The following SPATA13 variants were observed in gnomAD, a reference collection of about 807,000 sequenced individuals.
SPATA13 encodes spermatogenesis-associated protein 13.
In SPATA13, 50 loss-of-function variants were observed where a neutral mutation model predicts 104.0. The observed-to-expected ratio is 0.48, with a 90% CI of 0.38 to 0.61. SPATA13 has a LOEUF of 0.61. Among genes scored for constraint, SPATA13 ranks in the 20% least tolerant of loss-of-function variants. The pLI is 0.00. For missense variants in SPATA13, 1,524 were observed against 1,690.6 expected (o/e 0.90, Z 1.73); for synonymous variants, 606 against 667.5 (o/e 0.91, Z 1.42).
intron 11 of SPATA13, 49 bp downstream of exon 11, chr13:24,297,784 T>C: frequency 6.4e-7 from 1 of 1,562,006 alleles, no homozygotes; most frequent in African/African-American, 1.4e-5. Flanking sequence ...CTTGCTGTAA[T>C]AGCTTCATTC....
chr13:23,986,083 T>A (rs1875136746), intron 2 of SPATA13, among the ~76,000 whole-genome samples: 1 of 152,202 alleles, frequency 6.6e-6, no homozygotes, highest in Admixed American at 6.5e-5. Context: ...TCCTGGCATT[T>A]CAAGTTGGAA....
chr13:24,019,121 C>T (rs1876850808), intron 3 of SPATA13, among the ~76,000 whole-genome samples: 1 of 144,908 alleles, frequency 6.9e-6, no homozygotes. Context: ...CGGAGTCTCG[C>T]TCTGTCGCCC....
intron 3 of SPATA13, among the ~76,000 whole-genome samples, chr13:24,036,210 T>C (rs912697021): frequency 3.5e-4 from 53 of 152,198 alleles, no homozygotes; most frequent in African/African-American, 1.3e-3. Flanking sequence ...GTATCTATAT[T>C]TTCCAAAGCC....
chr13:23,995,130 T>A (rs1875618324), intron 2 of SPATA13, among the ~76,000 whole-genome samples: 1 of 152,208 alleles, frequency 6.6e-6, no homozygotes, highest in African/African-American at 2.4e-5. Context: ...GTGCCAAGGT[T>A]CGGGAACCCT....
At chr13:24,180,290 A>G (rs1173181044) in intron 1 of SPATA13, among the ~76,000 whole-genome samples, 2 of 152,190 alleles carry the variant, frequency 1.3e-5, no homozygotes, top group African/African-American at 4.8e-5. Context: ...CTTGTTGAAA[A>G]TGAATTGAGC....
chr13:24,043,673 AT>A (rs34553109), intron 3 of SPATA13, among the ~76,000 whole-genome samples: 72,942 of 151,788 alleles, frequency 0.48, 19,325 homozygotes, highest in East Asian at 0.64. Flanking sequence ...CTTTGAGGGA[AT>A]TTTTTTTTGT....
At chr13:24,024,174 A>G (rs1368736182) in intron 3 of SPATA13, among the ~76,000 whole-genome samples, 1 of 152,238 alleles carries the variant, frequency 6.6e-6, no homozygotes, top group African/African-American at 2.4e-5. Context: ...AAGGATGGCT[A>G]AGGGAGGTGA....
At chr13:24,077,910 C>T (rs541692335) in intron 3 of SPATA13, among the ~76,000 whole-genome samples, 74 of 152,310 alleles carry the variant, frequency 4.9e-4, no homozygotes, top group Non-Finnish European at 8.4e-4. Flanking sequence ...GTTGGTCCCA[C>T]ATCCTTCTCT....
intron 3 of SPATA13, chr13:24,017,742 C>A: frequency 1.0e-6 from 1 of 976,542 alleles, no homozygotes; most frequent in South Asian, 4.7e-5. Context: ...CTCCTTCCTC[C>A]TTCTTTCTCC....
rs146352027 is a variant in SPATA13 at position 24,275,876 on chromosome 13, G to C, written c.2165-8259G>C. ...TGGAACCCTGGAGGCAAAGGCTGCAGTGAGCTGAGATCGCGCCACAGCACT... is the reference window on the plus strand; with the variant it reads ...TGGAACCCTGGAGGCAAAGGCTGCACTGAGCTGAGATCGCGCCACAGCACT... On this transcript the variant is annotated intron_variant, in intron 4 of 12. Transcript: ENST00000382108. 3.1e-3 allele frequency among the ~76,000 whole-genome samples: 475 copies of C among 152,362 alleles called. 4 individuals are homozygous for C. Among genetic ancestry groups the C allele is most frequent in the African/African-American group, 0.011 (449 of 41,578 alleles).
At position 23,986,808 on chromosome 13, in the gene SPATA13, G is replaced by A. The variant is rs781212733; in HGVS notation, c.-147+2875G>A. Among the ~76,000 whole-genome samples the A allele has an allele frequency of 3.9e-5, 6 of 152,126 alleles. No homozygotes were observed. In the East Asian group the frequency reaches 7.7e-4, roughly 20 times the overall value. ...ATTTGGCCACAGGAATTTCAGTCAC[G>A]TCAGGCTGTTTTTGCTGTTGTATTC... is the stretch of plus-strand genomic sequence containing the variant. On this transcript the variant is annotated intron_variant, in intron 2 of 14. Transcript: ENST00000424834.
chr13:24,262,408 G>A (rs189659512), intron 4 of SPATA13, among the ~76,000 whole-genome samples: 2 of 151,064 alleles, frequency 1.3e-5, no homozygotes, highest in African/African-American at 2.4e-5. Context: ...ATCACACCAC[G>A]TTTCTGTTTT....
At chr13:24,061,886 A>G (rs568447040) in intron 3 of SPATA13, among the ~76,000 whole-genome samples, 1 of 151,134 alleles carries the variant, frequency 6.6e-6, no homozygotes, top group South Asian at 2.1e-4. Flanking sequence ...AAAATTAAAA[A>G]TTAAAAAAAA....
At chr13:24,295,218 A>G (rs1293135709) in intron 10 of SPATA13, among the ~76,000 whole-genome samples, 1 of 152,194 alleles carries the variant, frequency 6.6e-6, no homozygotes, top group Non-Finnish European at 1.5e-5. Flanking sequence ...GTCCCTGCCC[A>G]CATGTGAATC....
Position 24,011,542 on chromosome 13 carries a change from C to T in SPATA13, c.-146-6125C>T, listed in dbSNP as rs192778717. ...GTCCTGGCTGGCTGATGCCCTCCAGCTGTGGGCTGGCCATGCTCCTGATGG... is the reference window on the plus strand; with the variant it reads ...GTCCTGGCTGGCTGATGCCCTCCAGTTGTGGGCTGGCCATGCTCCTGATGG... On this transcript the variant is annotated intron_variant, in intron 2 of 14. Transcript: ENST00000424834. The surrounding 1 kb of genome is among the most constrained non-coding windows in gnomAD (Gnocchi z 4.3). Among the ~76,000 whole-genome samples, 51 of 152,342 alleles carry T rather than the reference C, an allele frequency of 3.3e-4. No homozygotes were observed. The East Asian group carries it at 9.4e-3, about 28-fold the overall frequency.
At chr13:24,017,589 CT>C (rs1196435745) in intron 2 of SPATA13, 2 of 732,472 alleles carry the variant, frequency 2.7e-6, no homozygotes, top group African/African-American at 3.8e-5. Context: ...TAGACCCTGT[CT>C]GGCATTCCGA....
chr13:24,195,532 T>C (rs1870006706), intron 1 of SPATA13, among the ~76,000 whole-genome samples: 3 of 152,286 alleles, frequency 2.0e-5, no homozygotes. Context: ...CCAAATTATT[T>C]CCAAAGTGGC....
intron 3 of SPATA13, among the ~76,000 whole-genome samples, chr13:24,039,512 G>A (rs1437224253): frequency 6.6e-6 from 1 of 152,194 alleles, no homozygotes; most frequent in Non-Finnish European, 1.5e-5. Context: ...GTTGGCAAGC[G>A]CTTTGACTTA....
intron 1 of SPATA13, among the ~76,000 whole-genome samples, chr13:24,203,003 C>A (rs1312963925): frequency 6.6e-6 from 1 of 151,716 alleles, no homozygotes; most frequent in African/African-American, 2.4e-5. Context: ...TTCCTGGGTA[C>A]GTGTGTAGGA....
Sources: allele counts gnomAD v4.1 joint callset (sites outside exome capture counted in the v4.1 genomes callset), GRCh38; gene constraint gnomAD v4.1.1; non-coding constraint Gnocchi (gnomAD v3.1); transcripts MANE v1.5; gene names NCBI Gene and HGNC (gene_info 2026-07-23, HGNC 2026-07-21).